SGCG: variants seen among roughly 807,000 people sequenced by gnomAD.
SGCG encodes gamma-sarcoglycan.
SGCG carries 26 observed loss-of-function variants against 29.3 expected under a neutral mutation model. The ratio of observed to expected loss-of-function variants is 0.89; its 90% CI spans 0.65 to 1.23. SGCG has a LOEUF of 1.23. Among genes scored for constraint, SGCG ranks in the 50% most tolerant of loss-of-function variants. The pLI, the probability that SGCG is intolerant of heterozygous loss-of-function variation, is 0.00. For synonymous variants in SGCG, 145 were observed against 129.7 expected (o/e 1.12, Z -0.80); for missense variants, 353 against 356.0 (o/e 0.99, Z 0.07).
intron 6 of SGCG, among the ~76,000 whole-genome samples, chr13:23,311,599 G>C (rs1382300703): frequency 6.6e-6 from 1 of 152,144 alleles, no homozygotes; most frequent in Non-Finnish European, 1.5e-5. Flanking sequence ...GTTGGCCTGG[G>C]GTAGAGATGA....
intron 6 of SGCG, among the ~76,000 whole-genome samples, chr13:23,318,998 A>C (rs970152498): frequency 3.9e-5 from 6 of 152,152 alleles, no homozygotes; most frequent in Non-Finnish European, 8.8e-5. Context: ...CAATTATCCA[A>C]GGTCAAAATA....
At chr13:23,168,152 C>T in the SGCG span, among the ~76,000 whole-genome samples, 2 of 152,094 alleles carry the variant, frequency 1.3e-5, no homozygotes, top group Non-Finnish European at 1.5e-5. Flanking sequence ...AATATTTTCT[C>T]CCATTCCGTG....
chr13:23,191,302 G>A (rs1373989018), intron 1 of SGCG, among the ~76,000 whole-genome samples: 1 of 152,084 alleles, frequency 6.6e-6, no homozygotes, highest in African/African-American at 2.4e-5. Context: ...GAGAGCTTTA[G>A]TAAGACCTCA....
chr13:23,170,483 G>A, the SGCG span: 6 of 152,362 alleles, frequency 3.9e-5, no homozygotes, highest in Non-Finnish European at 7.3e-5. Flanking sequence ...TGATAAAGAC[G>A]TGAGCTTGTC....
intron 6 of SGCG, among the ~76,000 whole-genome samples, chr13:23,318,568 T>C (rs572697506): frequency 6.6e-6 from 1 of 152,208 alleles, no homozygotes; most frequent in African/African-American, 2.4e-5. Flanking sequence ...TATTTATGTA[T>C]TTACCTATTC....
chr13:23,258,959 T>C (rs536472066), intron 4 of SGCG, among the ~76,000 whole-genome samples: 8 of 152,220 alleles, frequency 5.3e-5, no homozygotes, highest in Non-Finnish European at 1.0e-4. Context: ...CAGTATTTTA[T>C]TGAGGATTTT....
intron 3 of SGCG, among the ~76,000 whole-genome samples, chr13:23,237,757 T>A (rs1879364406): frequency 6.7e-6 from 1 of 148,934 alleles, no homozygotes; most frequent in Admixed American, 6.7e-5. Context: ...ATCCACACAG[T>A]GGAACATAAA....
intron 6 of SGCG, among the ~76,000 whole-genome samples, chr13:23,320,142 T>TG (rs1474188413): frequency 6.6e-6 from 1 of 152,166 alleles, no homozygotes; most frequent in Non-Finnish European, 1.5e-5. Context: ...TTAAATAAAT[T>TG]GGTGTTTTAA....
chr13:23,286,485 C>G lies in SGCG; in HGVS notation c.505+7007C>G, dbSNP rs114462943. On this transcript the variant is annotated intron_variant, in intron 5 of 7. Transcript: ENST00000218867. ...TAATATTCACTCTTGTGATGACTGA[C>G]AATGCCCTCAATTTAACTATTACAG... is the stretch of plus-strand genomic sequence containing the variant. 7.6e-3 allele frequency among the ~76,000 whole-genome samples: 1,165 copies of G among 152,322 alleles called. 17 individuals are homozygous for G. Among genetic ancestry groups the G allele is most frequent in the African/African-American group, 0.026 (1,077 of 41,570 alleles).
chr13:23,299,522 G>A (rs1237492272), intron 6 of SGCG, among the ~76,000 whole-genome samples: 2 of 139,114 alleles, frequency 1.4e-5, no homozygotes, highest in Non-Finnish European at 3.1e-5. Flanking sequence ...GCGCGATCTC[G>A]GCTCACTGCA....
intron 2 of SGCG, among the ~76,000 whole-genome samples, chr13:23,224,513 C>G (rs1039271320): frequency 1.6e-4 from 25 of 152,088 alleles, no homozygotes; most frequent in Admixed American, 8.5e-4. Context: ...GAATGGGCCC[C>G]CAGCACAGAG....
chr13:23,259,190 G>A (rs1473947514), intron 4 of SGCG, among the ~76,000 whole-genome samples: 2 of 152,032 alleles, frequency 1.3e-5, no homozygotes, highest in Non-Finnish European at 2.9e-5. Context: ...TTTTTGGTTG[G>A]TAGGCTATTA....
chr13:23,239,789 T>C (rs901553998), intron 3 of SGCG, among the ~76,000 whole-genome samples: 1 of 152,112 alleles, frequency 6.6e-6, no homozygotes, highest in Non-Finnish European at 1.5e-5. Context: ...TAAAGATGCT[T>C]AGTATATCTA....
At chr13:23,186,715 G>A (rs1876989406) in intron 1 of SGCG, among the ~76,000 whole-genome samples, 2 of 152,176 alleles carry the variant, frequency 1.3e-5, no homozygotes, top group South Asian at 4.1e-4. Context: ...ACCCTGTCAG[G>A]CCAGCAGCTG....
At chr13:23,316,469 AGATT>A (rs773609913) in intron 6 of SGCG, among the ~76,000 whole-genome samples, 5 of 152,194 alleles carry the variant, frequency 3.3e-5, no homozygotes, top group Non-Finnish European at 7.3e-5. Flanking sequence ...TGAAGCAGCT[AGATT>A]GATAGAACGG....
intron 2 of SGCG, among the ~76,000 whole-genome samples, chr13:23,223,436 C>T (rs1384785753): frequency 6.6e-6 from 1 of 151,840 alleles, no homozygotes; most frequent in Non-Finnish European, 1.5e-5. Context: ...TACTTTTGTT[C>T]CCTGCCAATG....
At chr13:23,324,237 C>A in intron 7 of SGCG, 131 bp from the exon 8 acceptor site, 1 of 789,094 alleles carries the variant, frequency 1.3e-6, no homozygotes. Flanking sequence ...AAATGAGTTA[C>A]ATAAAGTCAG....
chr13:23,182,028 G>A (rs1309897003), intron 1 of SGCG, among the ~76,000 whole-genome samples: 1 of 152,160 alleles, frequency 6.6e-6, no homozygotes, highest in African/African-American at 2.4e-5. Flanking sequence ...GTCTTTCAAA[G>A]ACAAATGAAA....
intron 2 of SGCG, among the ~76,000 whole-genome samples, chr13:23,212,465 TC>T (rs1207308079): frequency 6.6e-6 from 1 of 152,120 alleles, no homozygotes; most frequent in African/African-American, 2.4e-5. Flanking sequence ...AAACTTATGC[TC>T]TGTAAGTATT....
Sources: gnomAD v4.1 joint callset for allele counts (sites outside exome capture counted in the v4.1 genomes callset) on GRCh38, gnomAD v4.1.1 for gene constraint, MANE v1.5 for transcripts, NCBI Gene and HGNC (gene_info 2026-07-23, HGNC 2026-07-21) for gene names.